Variants in OR2B3 observed in about 807,000 individuals in gnomAD.
OR2B3 encodes putative olfactory receptor 2B3.
For missense variants in OR2B3, 341 were observed against 374.8 expected (o/e 0.91, Z 0.74); for synonymous variants, 123 against 133.8 (o/e 0.92, Z 0.56).
Position 29,086,705 on chromosome 6 carries a change from G to A in OR2B3, c.544C>T (p.Pro182Ser). 1.2e-6 allele frequency: 2 copies of A among 1,614,138 alleles called. No homozygotes were observed. The highest frequency in any genetic ancestry group is 2.2e-5 in the East Asian group (1 of 44,882). Residue 182 changes from proline (P) to serine (S), a missense_variant, in exon 1 of 1, where the codon CCT becomes TCT. Coordinates refer to ENST00000377173, the MANE Select transcript of OR2B3 (RefSeq NM_001005226.2). ...GCACATGACAACTTGAGAAGTGCAGGCACCTCACAGAAAAAGTGGTCCACT... is the reference window on the plus strand; with the variant it reads ...GCACATGACAACTTGAGAAGTGCAGACACCTCACAGAAAAAGTGGTCCACT... Reference protein sequence around the residue: ...QEVDHFFCEVPALLKLSCADT... With the variant: ...QEVDHFFCEVSALLKLSCADT...
rs1480660873 is a variant in OR2B3 at position 29,086,879 on chromosome 6, C to A, written c.370G>T (p.Val124Leu). 5.0e-6 allele frequency: 8 copies of A among 1,614,034 alleles called. No individual in the cohort carries two copies. Among genetic ancestry groups the A allele is most frequent in the Non-Finnish European group, 5.9e-6 (7 of 1,180,028 alleles). ...TAGTGGAGGGGTCTGCAAACAGCCA[C>A]ATATCTGTCAAAGGACATAACAGCC... ...LLAVMSFDRY[V>L]AVCRPLHYVV... Residue 124 changes from valine (V) to leucine (L), a missense_variant, in exon 1 of 1, where the codon GTG becomes TTG. Transcript: ENST00000377173.
Position 29,086,292 on chromosome 6 carries a change from A to AC in OR2B3, c.*14dup. ...AGGAAAGACTAAGAAGATTCTCATC[A>AC]CAATGGAGTACTTCTTATTTCTTAC... On this transcript the variant is annotated 3_prime_UTR_variant, in exon 1 of 1. Transcript: ENST00000377173. The AC allele has an allele frequency of 7.0e-7, 1 of 1,419,942 alleles. No individual in the cohort carries two copies. Among genetic ancestry groups the AC allele is most frequent in the Non-Finnish European group, 9.7e-7 (1 of 1,035,072 alleles). 88.0% of individuals were successfully genotyped at this position (1,419,942 alleles called of 1,614,324 possible).
chr6:29,086,241 A>G lies in OR2B3; in HGVS notation c.*66T>C. On this transcript the variant is annotated 3_prime_UTR_variant, in exon 1 of 1. Transcript: ENST00000377173. ...GCCTGGAAAATAGGAAAATGAGTTC[A>G]AAGGTCATTACCATCATTGAAGATA... The G allele has an allele frequency of 3.1e-6, 3 of 969,126 alleles. No individual in the cohort carries two copies. Among genetic ancestry groups the G allele is most frequent in the Non-Finnish European group, 4.6e-6 (3 of 646,362 alleles). 60.0% of individuals were successfully genotyped at this position (969,126 alleles called of 1,614,324 possible).
At position 29,086,291 on chromosome 6, in the gene OR2B3, C is replaced by T. The variant is rs1760580611; in HGVS notation, c.*16G>A. ...AAGGAAAGACTAAGAAGATTCTCAT[C>T]ACAATGGAGTACTTCTTATTTCTTA... is the stretch of plus-strand genomic sequence containing the variant. On this transcript the variant is annotated 3_prime_UTR_variant, in exon 1 of 1. Coordinates refer to ENST00000377173, the MANE Select transcript of OR2B3 (RefSeq NM_001005226.2). The T allele has an allele frequency of 1.4e-6, 2 of 1,416,292 alleles. No individual in the cohort carries two copies. Among genetic ancestry groups the T allele is most frequent in the African/African-American group, 2.9e-5 (2 of 69,720 alleles). The allele number at this position is 1,416,292 out of a possible 1,614,324, so 87.7% of individuals were successfully genotyped here.
In OR2B3 at chr6:29,086,976, G is replaced by T. The variant is rs760824720; in HGVS notation, c.273C>A (p.Thr91=). The change falls in exon 1 of 1, where the codon ACC becomes ACA. Residue 91 remains threonine, a synonymous_variant. Coordinates refer to ENST00000377173, the MANE Select transcript of OR2B3 (RefSeq NM_001005226.2). The part of the protein sequence containing the change: ...MLVNIGCNKK[T]ISYAGCVAHL... ...GGGCCACACAGCCAGCATAGCTGAT[G>T]GTCTTTTTGTTGCAACCAATATTTA... is the stretch of plus-strand genomic sequence containing the variant. 1.2e-6 allele frequency: 2 copies of T among 1,614,218 alleles called. No homozygotes were observed. Among genetic ancestry groups the T allele is most frequent in the Non-Finnish European group, 1.7e-6 (2 of 1,180,042 alleles).
chr6:29,086,293 C>G lies in OR2B3; in HGVS notation c.*14G>C. On this transcript the variant is annotated 3_prime_UTR_variant, in exon 1 of 1. Transcript: ENST00000377173. ...GGAAAGACTAAGAAGATTCTCATCA[C>G]AATGGAGTACTTCTTATTTCTTACA... 7.0e-7 allele frequency: 1 copy of G among 1,435,464 alleles called. No individual in the cohort carries two copies. The allele number at this position is 1,435,464 out of a possible 1,614,324, so 88.9% of individuals were successfully genotyped here.
Position 29,086,247 on chromosome 6 carries a change from C to T in OR2B3, c.*60G>A. On this transcript the variant is annotated 3_prime_UTR_variant, in exon 1 of 1. Transcript: ENST00000377173. Reference sequence around the variant, plus strand: ...AAAATAGGAAAATGAGTTCAAAGGTCATTACCATCATTGAAGATAAGGAAA... The same window carrying T: ...AAAATAGGAAAATGAGTTCAAAGGTTATTACCATCATTGAAGATAAGGAAA... 1.0e-6 allele frequency: 1 copy of T among 1,000,372 alleles called. No homozygotes were observed. The allele number at this position is 1,000,372 out of a possible 1,614,324, so 62.0% of individuals were successfully genotyped here.
Position 29,087,124 on chromosome 6 carries a change from T to G in OR2B3, c.125A>C (p.Asn42Thr), listed in dbSNP as rs1287170898. The G allele has an allele frequency of 6.2e-7, 1 of 1,613,974 alleles. No individual in the cohort carries two copies. The highest frequency in any genetic ancestry group is 8.5e-7 in the Non-Finnish European group (1 of 1,179,964). Reference sequence around the variant, plus strand: ...AATGCACACCATCATGATGGACACATTGCCAAATATGGTGATTGTGTATGA... The same window carrying G: ...AATGCACACCATCATGATGGACACAGTGCCAAATATGGTGATTGTGTATGA... Reference protein sequence around the residue: ...LISYTITIFGNVSIMMVCILD... With the variant: ...LISYTITIFGTVSIMMVCILD... Residue 42 changes from asparagine (N) to threonine (T), a missense_variant, in exon 1 of 1, where the codon AAT becomes ACT. Asn to Thr is a moderately conservative substitution (Grantham distance 65). Coordinates refer to ENST00000377173, the MANE Select transcript of OR2B3 (RefSeq NM_001005226.2).
rs751616043 is a variant in OR2B3, at chr6:29,087,132, T to TA, written c.116dup (p.Phe40IlefsTer26). 1.2e-5 allele frequency: 19 copies of TA among 1,613,898 alleles called. No homozygotes were observed. The highest frequency in any genetic ancestry group is 7.6e-6 in the Non-Finnish European group (9 of 1,179,932). On this transcript the variant is annotated frameshift_variant, in exon 1 of 1. Coordinates refer to ENST00000377173, the MANE Select transcript of OR2B3 (RefSeq NM_001005226.2). LOFTEE classifies it low-confidence loss of function (END_TRUNC). ...CCATCATGATGGACACATTGCCAAA[T>TA]ATGGTGATTGTGTATGATATTAACA...
In OR2B3 at chr6:29,086,363, C is replaced by T. The variant is rs1405302475; in HGVS notation, c.886G>A (p.Asp296Asn). ...NSLIYSLRNK[D>N]MKEAFKRLMP... is the part of the protein sequence containing the mutation. ...AGCCTCTTGAAGGCCTCCTTCATAT[C>T]TTTATTTCTAAGGCTGTAGATGAGG... Residue 296 changes from aspartate (D) to asparagine (N), a missense_variant, in exon 1 of 1, where the codon GAT becomes AAT. By Grantham distance (23) the Asp-to-Asn change is conservative. Transcript: ENST00000377173. 4.3e-6 allele frequency: 7 copies of T among 1,611,140 alleles called. No homozygotes were observed. The Admixed American group carries it at 1.0e-4, about 23-fold the overall frequency.
chr6:29,086,438 C>T lies in OR2B3; in HGVS notation c.811G>A (p.Gly271Arg), dbSNP rs755488239. Residue 271 changes from glycine (G) to arginine (R), a missense_variant, in exon 1 of 1, where the codon GGA becomes AGA. Transcript: ENST00000377173. ...CCATAGAAGAGGGAAACCATCTTTC[C>T]CCAGTCCTTAGAGGTGGATGAAGGT... ...QPPSSTSKDW[G>R]KMVSLFYGII... The T allele has an allele frequency of 1.2e-6, 2 of 1,613,926 alleles. No homozygotes were observed. The highest frequency in any genetic ancestry group is 1.7e-6 in the Non-Finnish European group (2 of 1,179,894).
rs756609477 is a variant in OR2B3 at position 29,086,270 on chromosome 6, A to G, written c.*37T>C. The G allele has an allele frequency of 8.1e-7, 1 of 1,238,986 alleles. No individual in the cohort carries two copies. Among genetic ancestry groups the G allele is most frequent in the South Asian group, 1.5e-5 (1 of 67,838 alleles). 76.7% of individuals were successfully genotyped at this position (1,238,986 alleles called of 1,614,324 possible). A position where few individuals can be genotyped will look rare whatever the true frequency, so the allele number is the denominator to read the frequency against. ...GTCATTACCATCATTGAAGATAAGGAAAGACTAAGAAGATTCTCATCACAA... is the reference window on the plus strand; with the variant it reads ...GTCATTACCATCATTGAAGATAAGGGAAGACTAAGAAGATTCTCATCACAA... On this transcript the variant is annotated 3_prime_UTR_variant, in exon 1 of 1. Transcript: ENST00000377173.
In OR2B3 at chr6:29,086,871, A is replaced by G; in HGVS notation, c.378T>C (p.Val126=). Residue 126 remains valine (V), a synonymous_variant, in exon 1 of 1, where the codon GTT becomes GTC. Transcript: ENST00000377173. ...AVMSFDRYVA[V]CRPLHYVVIM... ...TGACTACATAGTGGAGGGGTCTGCA[A>G]ACAGCCACATATCTGTCAAAGGACA... is the stretch of plus-strand genomic sequence containing the variant. 2.5e-6 allele frequency: 4 copies of G among 1,614,212 alleles called. No homozygotes were observed. The highest frequency in any genetic ancestry group is 3.4e-6 in the Non-Finnish European group (4 of 1,180,036).
In OR2B3 at chr6:29,086,447, TAG is replaced by T. The variant is rs1760592898; in HGVS notation, c.800_801del (p.Ser267Ter). On this transcript the variant is annotated frameshift_variant, in exon 1 of 1. Transcript: ENST00000377173. LOFTEE classifies it low-confidence loss of function (END_TRUNC). The stretch of plus-strand genomic sequence containing the variant: ...AGGGAAACCATCTTTCCCCAGTCCT[TAG>T]AGGTGGATGAAGGTGGTTGAAGATA... ...YMYLQPPSSTSKDWGKMVSLF... is the reference protein window; with the variant it reads ...YMYLQPPSSTXKDWGKMVSLF... 1 of 1,613,864 alleles carries T rather than the reference TAG, an allele frequency of 6.2e-7. No individual in the cohort carries two copies. Among genetic ancestry groups the T allele is most frequent in the African/African-American group, 1.3e-5 (1 of 74,886 alleles).
Position 29,087,010 on chromosome 6 carries a change from T to C in OR2B3, c.239A>G (p.His80Arg), listed in dbSNP as rs1760649198. 6.2e-7 allele frequency: 1 copy of C among 1,614,212 alleles called. No individual in the cohort carries two copies. ...DLCYTTTTVPHMLVNIGCNKK... is the reference protein window; with the variant it reads ...DLCYTTTTVPRMLVNIGCNKK... ...GTTGCAACCAATATTTACCAACATATGAGGGACTGTAGTTGTGGTATAGCA... is the reference window on the plus strand; with the variant it reads ...GTTGCAACCAATATTTACCAACATACGAGGGACTGTAGTTGTGGTATAGCA... The change falls in exon 1 of 1, where the codon CAT becomes CGT. Residue 80 changes from histidine to arginine, a missense_variant. By Grantham distance (29) the His-to-Arg change is conservative (BLOSUM62 0). Transcript: ENST00000377173.
Position 29,086,593 on chromosome 6 carries a change from C to T in OR2B3, c.656G>A (p.Gly219Asp). The T allele has an allele frequency of 6.2e-7, 1 of 1,614,074 alleles. No homozygotes were observed. Among genetic ancestry groups the T allele is most frequent in the African/African-American group, 1.3e-5 (1 of 75,002 alleles). The change falls in exon 1 of 1, where the codon GGC becomes GAC. Residue 219 changes from glycine to aspartate, a missense_variant. By Grantham distance (94) the Gly-to-Asp change is moderately conservative. Coordinates refer to ENST00000377173, the MANE Select transcript of OR2B3 (RefSeq NM_001005226.2). ...IPVTLILISY[G>D]FIAQAVLKIR... ...TTTTAATACTGCTTGAGCTATGAAG[C>T]CATAGGAGATGAGGATCAATGTCAC...
chr6:29,086,242 A>C lies in OR2B3; in HGVS notation c.*65T>G. On this transcript the variant is annotated 3_prime_UTR_variant, in exon 1 of 1. Transcript: ENST00000377173. ...CCTGGAAAATAGGAAAATGAGTTCA[A>C]AGGTCATTACCATCATTGAAGATAA... 1.0e-6 allele frequency: 1 copy of C among 974,526 alleles called. No homozygotes were observed. Among genetic ancestry groups the C allele is most frequent in the East Asian group, 2.4e-5 (1 of 41,092 alleles). 60.4% of individuals were successfully genotyped at this position (974,526 alleles called of 1,614,324 possible).
At position 29,086,378 on chromosome 6, in the gene OR2B3, T is replaced by C. The variant is rs763678287; in HGVS notation, c.871A>G (p.Ser291Gly). 1 of 1,613,934 alleles carries C rather than the reference T, an allele frequency of 6.2e-7. No homozygotes were observed. Among genetic ancestry groups the C allele is most frequent in the South Asian group, 1.1e-5 (1 of 90,994 alleles). ...ITSMLNSLIYSLRNKDMKEAF... is the reference protein window; with the variant it reads ...ITSMLNSLIYGLRNKDMKEAF... ...TCCTTCATATCTTTATTTCTAAGGCTGTAGATGAGGGAGTTCAACATGGAT... is the reference window on the plus strand; with the variant it reads ...TCCTTCATATCTTTATTTCTAAGGCCGTAGATGAGGGAGTTCAACATGGAT... The change falls in exon 1 of 1, where the codon AGC becomes GGC. Residue 291 changes from serine to glycine, a missense_variant. By Grantham distance (56) the Ser-to-Gly change is moderately conservative. Coordinates refer to ENST00000377173, the MANE Select transcript of OR2B3 (RefSeq NM_001005226.2).
Position 29,086,712 on chromosome 6 carries a change from A to G in OR2B3, c.537T>C (p.Cys179=). 6.2e-7 allele frequency: 1 copy of G among 1,614,164 alleles called. No homozygotes were observed. Among genetic ancestry groups the G allele is most frequent in the Admixed American group, 1.7e-5 (1 of 60,028 alleles). ...ACAACTTGAGAAGTGCAGGCACCTCACAGAAAAAGTGGTCCACTTCCTGGT... is the reference window on the plus strand; with the variant it reads ...ACAACTTGAGAAGTGCAGGCACCTCGCAGAAAAAGTGGTCCACTTCCTGGT... ...CGHQEVDHFF[C]EVPALLKLSC... is the part of the protein sequence containing the mutation. The change falls in exon 1 of 1, where the codon TGT becomes TGC. Residue 179 remains cysteine, a synonymous_variant. Transcript: ENST00000377173.
Sources: allele counts gnomAD v4.1 joint callset, GRCh38; gene constraint gnomAD v4.1.1; transcripts MANE v1.5; gene names NCBI Gene and HGNC (gene_info 2026-07-23, HGNC 2026-07-21).